KNDC1: variants seen among roughly 807,000 people sequenced by gnomAD.
The protein encoded by KNDC1 is kinase non-catalytic C-lobe domain-containing protein 1.
A neutral mutation model predicts 172.8 loss-of-function variants in KNDC1; 106 were observed. The observed-to-expected ratio is 0.61, with a 90% CI of 0.52 to 0.72. The LOEUF (loss-of-function observed/expected upper bound fraction) is 0.72. Ranked by LOEUF, KNDC1 falls within the 30% of genes least tolerant of loss-of-function variation. The pLI, the probability that KNDC1 is intolerant of heterozygous loss-of-function variation, is 0.00. For synonymous variants in KNDC1, 1,083 were observed against 1,062.2 expected, an observed-to-expected ratio of 1.02 and a Z score of -0.38; for missense variants, 2,325 against 2,394.5, an observed-to-expected ratio of 0.97 and a Z score of 0.61.
chr10:133,167,322 G>A (rs2135945556), intron 1 of KNDC1, 59 bp from the exon 2 acceptor site: 2 of 1,478,596 alleles, frequency 1.4e-6, no homozygotes, highest in South Asian at 1.2e-5. Flanking sequence ...GTCTCGGTGG[G>A]GGTGCCGGGG....
At chr10:133,213,617 G>C in intron 24 of KNDC1, 28 bp from the exon 25 acceptor site, 1 of 1,607,602 alleles carries the variant, frequency 6.2e-7, no homozygotes, top group Non-Finnish European at 8.5e-7. Context: ...ATGGAAGCCT[G>C]AACCTCTTGT....
At position 133,186,032 on chromosome 10, in the gene KNDC1, G is replaced by T; in HGVS notation, c.684G>T (p.Arg228Ser). 6.2e-7 allele frequency: 1 copy of T among 1,600,900 alleles called. No homozygotes were observed. The highest frequency in any genetic ancestry group is 1.1e-5 in the South Asian group (1 of 88,720). Residue 228 changes from arginine (R) to serine (S), a missense_variant, in exon 6 of 30, where the codon AGG becomes AGT. Transcript: ENST00000304613. ...RPAPGNAGPR[R>S]PPGDPSTDPE... Reference sequence around the variant, plus strand: ...CCCCAGGAAACGCTGGGCCCAGGAGGCCGCCCGGGGACCCCAGCACTGACC... The same window carrying T: ...CCCCAGGAAACGCTGGGCCCAGGAGTCCGCCCGGGGACCCCAGCACTGACC...
intron 3 of KNDC1, among the ~76,000 whole-genome samples, chr10:133,170,507 T>C (rs554847116): frequency 6.6e-6 from 1 of 152,310 alleles, no homozygotes; most frequent in South Asian, 2.1e-4. Flanking sequence ...GGAGTGCCTC[T>C]CCAGTGAAGC....
chr10:133,167,638 G>A (rs377529055), intron 2 of KNDC1, 59 bp downstream of exon 2: 8 of 1,503,826 alleles, frequency 5.3e-6, no homozygotes, highest in Non-Finnish European at 7.2e-6. Context: ...GTGCCTTTCA[G>A]GGGGGATGTG....
In KNDC1 at chr10:133,222,533, C is replaced by T. The variant is rs1484594208; in HGVS notation, c.5019-2126C>T. On this transcript the variant is annotated intron_variant, in intron 29 of 29. Coordinates refer to ENST00000304613, the MANE Select transcript of KNDC1 (RefSeq NM_152643.8). ...TGAGCCCATCCAGGCATGCTCTTCC[C>T]GGCGTGTGTGTGTGTGAGAGCCCAT... is the stretch of plus-strand genomic sequence containing the variant. Among the ~76,000 whole-genome samples the T allele has an allele frequency of 2.0e-4, 6 of 29,752 alleles. 1 individual carries two copies. 19.5% of individuals were successfully genotyped at this position (29,752 alleles called of 152,430 possible). A position where few individuals can be genotyped will look rare whatever the true frequency, so the allele number is the denominator to read the frequency against.
At position 133,206,936 on chromosome 10, in the gene KNDC1, G is replaced by A. The variant is rs775705414; in HGVS notation, c.3562G>A (p.Val1188Ile). 38 of 1,613,902 alleles carry A rather than the reference G, an allele frequency of 2.4e-5. No homozygotes were observed. The East Asian group carries it at 6.9e-4, about 29-fold the overall frequency. Residue 1188 changes from valine to isoleucine, a missense_variant, in exon 19 of 30, where the codon GTC becomes ATC. Val to Ile is a conservative substitution (Grantham distance 29). Transcript: ENST00000304613. Reference protein sequence around the residue: ...MKSRVQFLSLVKKYLQVMYAE... With the variant: ...MKSRVQFLSLIKKYLQVMYAE... Reference sequence around the variant, plus strand: ...ATCCAGGGTGCAATTCCTCAGCTTGGTCAAGAAGTATCTGCAGGCAAGTGG... The same window carrying A: ...ATCCAGGGTGCAATTCCTCAGCTTGATCAAGAAGTATCTGCAGGCAAGTGG...
chr10:133,198,425 GCTGC>G lies in KNDC1; in HGVS notation c.2000_2003del (p.Pro667GlnfsTer59). The stretch of plus-strand genomic sequence containing the variant: ...ACCCCTGCGGTGAAGAAGCCACCCA[GCTGC>G]CTGCAGCGTTCACCTCCGAGGCCAC... On this transcript the variant is annotated frameshift_variant, in exon 13 of 30. Transcript: ENST00000304613. LOFTEE classifies it high-confidence loss of function. 6.2e-7 allele frequency: 1 copy of G among 1,601,980 alleles called. No homozygotes were observed. The highest frequency in any genetic ancestry group is 8.5e-7 in the Non-Finnish European group (1 of 1,174,938).
chr10:133,183,281 T>C (rs149228737), intron 3 of KNDC1, 63 bp from the exon 4 acceptor site: 41,364 of 1,486,384 alleles, frequency 0.028, 684 homozygotes, highest in Admixed American at 0.049. Flanking sequence ...GGAGAAGTGC[T>C]GGCCGCGGTC....
chr10:133,187,115 T>C (rs2135980534), intron 6 of KNDC1, among the ~76,000 whole-genome samples: 1 of 152,336 alleles, frequency 6.6e-6, no homozygotes. Context: ...ACCAAAGCTG[T>C]GGGTTGAGCT....
At chr10:133,219,203 G>C in intron 28 of KNDC1, 113 bp downstream of exon 28, 1 of 1,335,108 alleles carries the variant, frequency 7.5e-7, no homozygotes, top group Non-Finnish European at 1.0e-6. Flanking sequence ...GTGTGTGCAG[G>C]TGGCCCAGCC....
At chr10:133,166,821 G>A (rs1028832684) in intron 1 of KNDC1, among the ~76,000 whole-genome samples, 10 of 152,074 alleles carry the variant, frequency 6.6e-5, no homozygotes, top group Non-Finnish European at 1.0e-4. Flanking sequence ...GAGCCCACTC[G>A]GATTTGGAGG....
chr10:133,211,392 G>C (rs1313336810), intron 21 of KNDC1, 30 bp from the exon 22 acceptor site: 1 of 1,602,836 alleles, frequency 6.2e-7, no homozygotes, highest in East Asian at 2.2e-5. Context: ...CCCACATCCT[G>C]GCAGCTCAGC....
chr10:133,190,894 CTGTG>C (rs1456944656), intron 9 of KNDC1, among the ~76,000 whole-genome samples: 1 of 152,192 alleles, frequency 6.6e-6, no homozygotes, highest in Non-Finnish European at 1.5e-5. Context: ...TGCAGTGGCT[CTGTG>C]TGCACTGTGT....
In KNDC1 at chr10:133,209,363, TGTG is replaced by T. The variant is rs201242960; in HGVS notation, c.3795-1244_3795-1242del. Among the ~76,000 whole-genome samples the T allele has an allele frequency of 4.0e-3, 610 of 150,786 alleles. 5 individuals carry two copies. The highest frequency in any genetic ancestry group is 0.014 in the African/African-American group (558 of 40,940). On this transcript the variant is annotated intron_variant, in intron 20 of 29. Coordinates refer to ENST00000304613, the MANE Select transcript of KNDC1 (RefSeq NM_152643.8). This position sits in a 1 kb window ranked among gnomAD's most constrained non-coding sequence, Gnocchi z 4.9. ...CGGTGTGGGGTATAGTGTGTGCACA[TGTG>T]GTGTGAGGTATAGTGTGGCATGTGT...
At chr10:133,193,104 G>T (rs909828599) in intron 9 of KNDC1, among the ~76,000 whole-genome samples, 1 of 152,192 alleles carries the variant, frequency 6.6e-6, no homozygotes, top group African/African-American at 2.4e-5. Flanking sequence ...ACACATATGG[G>T]GGGGGAAAAC....
chr10:133,211,325 C>T (rs1845357655), intron 21 of KNDC1, 97 bp from the exon 22 acceptor site: 14 of 1,187,736 alleles, frequency 1.2e-5, no homozygotes, highest in Non-Finnish European at 1.5e-5. Flanking sequence ...GGAGCCTGGT[C>T]CCACCCTGCC....
intron 6 of KNDC1, among the ~76,000 whole-genome samples, chr10:133,187,302 C>G (rs1261851802): frequency 1.3e-5 from 2 of 152,242 alleles, no homozygotes; most frequent in Non-Finnish European, 2.9e-5. Context: ...CTGTTGGAGC[C>G]AGTGTTCTGG....
At chr10:133,220,329 G>A (rs1845560436) in intron 29 of KNDC1, among the ~76,000 whole-genome samples, 1 of 51,244 alleles carries the variant, frequency 2.0e-5, no homozygotes, top group Admixed American at 1.7e-4. Context: ...AGGCGGGCGC[G>A]CGCCCAGGAG....
chr10:133,214,860 C>G (rs1014209370), intron 26 of KNDC1, among the ~76,000 whole-genome samples: 1 of 152,238 alleles, frequency 6.6e-6, no homozygotes. Flanking sequence ...CCTAGAGAGT[C>G]ACTGCCTCGA....
Sources: allele counts gnomAD v4.1 joint callset (sites outside exome capture counted in the v4.1 genomes callset), GRCh38; gene constraint gnomAD v4.1.1; non-coding constraint Gnocchi (gnomAD v3.1); transcripts MANE v1.5; gene names NCBI Gene and HGNC (gene_info 2026-07-23, HGNC 2026-07-21).